CSNK2A2: variants seen among roughly 807,000 people sequenced by gnomAD.
CSNK2A2 encodes the protein casein kinase II subunit alpha'.
In CSNK2A2, 8 loss-of-function variants were observed where a neutral mutation model predicts 54.0. The ratio of observed to expected loss-of-function variants is 0.15; its 90% CI spans 0.09 to 0.27. The LOEUF (loss-of-function observed/expected upper bound fraction) is 0.27, where lower values mean the gene tolerates loss of function less well. Ranked by LOEUF, CSNK2A2 falls within the 10% of genes least tolerant of loss-of-function variation. CSNK2A2 has a pLI of 1.00. For missense variants in CSNK2A2, 242 were observed against 439.4 expected (o/e 0.55, Z 4.02); for synonymous variants, 141 against 153.9 (o/e 0.92, Z 0.62).
At chr16:58,168,774 C>G in intron 5 of CSNK2A2, 81 bp from the exon 6 acceptor site, 1 of 1,098,010 alleles carries the variant, frequency 9.1e-7, no homozygotes, top group Non-Finnish European at 1.4e-6. Context: ...TTGTTTGTGA[C>G]ACCTTGACTT....
At chr16:58,164,011 T>G in intron 11 of CSNK2A2, 43 bp downstream of exon 11, 2 of 1,449,362 alleles carry the variant, frequency 1.4e-6, no homozygotes, top group East Asian at 2.3e-5. Context: ...AAGGTTTGTG[T>G]TTGGTTGGTT....
In CSNK2A2 at chr16:58,182,374, C is replaced by CAAAAAAAAAAAAAA. The variant is rs71155249; in HGVS notation, c.369+1872_369+1885dup. The stretch of plus-strand genomic sequence containing the variant: ...AAAACCCCATTTCTACTAAATATAC[C>CAAAAAAAAAAAAAA]AAAAAAAAAAAAAAAAAAAAAAAAA... On this transcript the variant is annotated intron_variant, in intron 4 of 11. Coordinates refer to ENST00000262506, the MANE Select transcript of CSNK2A2 (RefSeq NM_001896.4). 6.2e-4 allele frequency among the ~76,000 whole-genome samples: 16 copies of CAAAAAAAAAAAAAA among 25,746 alleles called. 4 individuals are homozygous for CAAAAAAAAAAAAAA. Among genetic ancestry groups the CAAAAAAAAAAAAAA allele is most frequent in the African/African-American group, 1.5e-3 (7 of 4,714 alleles). The allele number at this position is 25,746 out of a possible 152,430, so 16.9% of individuals were successfully genotyped here. A position where few individuals can be genotyped will look rare whatever the true frequency, so the allele number is the denominator to read the frequency against.
At chr16:58,195,459 C>T (rs1332638462) in intron 2 of CSNK2A2, among the ~76,000 whole-genome samples, 4 of 152,104 alleles carry the variant, frequency 2.6e-5, no homozygotes, top group African/African-American at 9.7e-5. Flanking sequence ...ATACCAGCTG[C>T]CCTAGCACAC....
In CSNK2A2 at chr16:58,187,755, T is replaced by C. The variant is rs371056082; in HGVS notation, c.217-899A>G. 3.3e-5 allele frequency among the ~76,000 whole-genome samples: 5 copies of C among 152,360 alleles called. No individual in the cohort carries two copies. The East Asian group carries it at 9.6e-4, about 29-fold the overall frequency. On this transcript the variant is annotated intron_variant, in intron 2 of 11. Coordinates refer to ENST00000262506, the MANE Select transcript of CSNK2A2 (RefSeq NM_001896.4). The stretch of plus-strand genomic sequence containing the variant: ...TTTATTATTTAATAAGTCATTGTGA[T>C]TCCTCACAAAGTCCTTATGTAGCAG...
At chr16:58,191,371 A>T (rs1052077347) in intron 2 of CSNK2A2, among the ~76,000 whole-genome samples, 4 of 150,964 alleles carry the variant, frequency 2.6e-5, no homozygotes, top group South Asian at 4.2e-4. Flanking sequence ...ATTTTATTTT[A>T]TTTTTTTTTA....
At chr16:58,171,556 C>G (rs891099788) in intron 5 of CSNK2A2, among the ~76,000 whole-genome samples, 2 of 151,890 alleles carry the variant, frequency 1.3e-5, no homozygotes, top group African/African-American at 4.8e-5. Context: ...ACAGGCACTA[C>G]TAACTATGGG....
intron 5 of CSNK2A2, among the ~76,000 whole-genome samples, chr16:58,173,501 C>G (rs2142423023): frequency 6.6e-6 from 1 of 152,300 alleles, no homozygotes; most frequent in East Asian, 1.9e-4. Flanking sequence ...ATTTTACAAA[C>G]TGAGCATTCC....
intron 2 of CSNK2A2, chr16:58,192,536 G>A (rs140873204): frequency 3.3e-5 from 5 of 152,032 alleles, no homozygotes; most frequent in African/African-American, 4.8e-5. Flanking sequence ...ATGCTGCTGT[G>A]GATACTAATC....
Position 58,197,650 on chromosome 16 carries a change from A to G in CSNK2A2, c.87T>C (p.Ala29=). The G allele has an allele frequency of 6.4e-7, 1 of 1,572,642 alleles. No homozygotes were observed. The highest frequency in any genetic ancestry group is 1.2e-5 in the South Asian group (1 of 86,660). The change falls in exon 1 of 12, where the codon GCT becomes GCC. Residue 29 remains alanine (A), a synonymous_variant. Transcript: ENST00000262506. The surrounding 1 kb of genome is among the most constrained non-coding windows in gnomAD (Gnocchi z 4.0). ...GGCTTTACCCCCAGCTCGGGACGTG[A>G]GCCTCGTAGTCCCAGTACTCGCGGC... ...LRSREYWDYE[A]HVPSWGNQDD...
At position 58,166,903 on chromosome 16, in the gene CSNK2A2, ATCT is replaced by A. The variant is rs77489659; in HGVS notation, c.727-222_727-220del. On this transcript the variant is annotated intron_variant, in intron 8 of 11. Coordinates refer to ENST00000262506, the MANE Select transcript of CSNK2A2 (RefSeq NM_001896.4). ...TAAAATAATACAACTTACGATAATA[ATCT>A]TCTAGAGGTGGACCAGTACAGGGCA... Among the ~76,000 whole-genome samples the A allele has an allele frequency of 1.4e-4, 21 of 152,268 alleles. No homozygotes were observed. The East Asian group carries it at 4.0e-3, about 29-fold the overall frequency.
Position 58,180,401 on chromosome 16 carries a change from A to G in CSNK2A2, c.369+3859T>C, listed in dbSNP as rs1962005797. On this transcript the variant is annotated intron_variant, in intron 4 of 11. Transcript: ENST00000262506. Reference sequence around the variant, plus strand: ...TTTTTTTTTTTGTGACCAGTCAACAATATAGTTTTTAAGTCCTAAGAGAAT... The same window carrying G: ...TTTTTTTTTTTGTGACCAGTCAACAGTATAGTTTTTAAGTCCTAAGAGAAT... 5.3e-5 allele frequency among the ~76,000 whole-genome samples: 8 copies of G among 151,508 alleles called. No individual in the cohort carries two copies. The South Asian group carries it at 1.7e-3, about 32-fold the overall frequency.
intron 5 of CSNK2A2, among the ~76,000 whole-genome samples, chr16:58,171,979 A>ATATATATATATTTT (rs1261137669): frequency 1.5e-5 from 1 of 66,186 alleles, no homozygotes; most frequent in South Asian, 6.5e-4. Context: ...ATATATATAT[A>ATATATATATATTTT]TTTTTTTTTT....
intron 2 of CSNK2A2, among the ~76,000 whole-genome samples, chr16:58,190,539 C>G (rs1962300324): frequency 6.6e-6 from 1 of 152,162 alleles, no homozygotes; most frequent in Non-Finnish European, 1.5e-5. Context: ...ATTATCTGAG[C>G]AATGTTATTT....
chr16:58,197,594 G>A lies in CSNK2A2; in HGVS notation c.104+39C>T, dbSNP rs1962502772. The A allele has an allele frequency of 7.1e-7, 1 of 1,415,224 alleles. No homozygotes were observed. Among genetic ancestry groups the A allele is most frequent in the East Asian group, 2.7e-5 (1 of 37,144 alleles). The allele number at this position is 1,415,224 out of a possible 1,614,324, so 87.7% of individuals were successfully genotyped here. Reference sequence around the variant, plus strand: ...CGCAGGGGGTGGCCGGGCGGGGGCAGGGATCAGCGGGCCCGGCGGGGGGCG... The same window carrying A: ...CGCAGGGGGTGGCCGGGCGGGGGCAAGGATCAGCGGGCCCGGCGGGGGGCG... On this transcript the variant is annotated intron_variant, in intron 1 of 11. Coordinates refer to ENST00000262506, the MANE Select transcript of CSNK2A2 (RefSeq NM_001896.4). This position sits in a 1 kb window ranked among gnomAD's most constrained non-coding sequence, Gnocchi z 4.0.
At chr16:58,193,916 G>C (rs1962373516) in intron 2 of CSNK2A2, among the ~76,000 whole-genome samples, 1 of 152,186 alleles carries the variant, frequency 6.6e-6, no homozygotes, top group Non-Finnish European at 1.5e-5. Flanking sequence ...GGGATAGACA[G>C]TAAAATTTTG....
chr16:58,176,076 C>T (rs912781695), intron 4 of CSNK2A2, among the ~76,000 whole-genome samples: 14 of 152,316 alleles, frequency 9.2e-5, no homozygotes, highest in Middle Eastern at 3.4e-3. Context: ...GCTTAAGATG[C>T]CATCTCTTGG....
intron 11 of CSNK2A2, chr16:58,160,324 G>A (rs941827137): frequency 1.3e-5 from 2 of 152,088 alleles, no homozygotes; most frequent in Non-Finnish European, 2.9e-5. Flanking sequence ...ATTTTTTGTA[G>A]GAAATAAGTT....
At chr16:58,196,949 G>C (rs1962470175) in intron 1 of CSNK2A2, 105 bp from the exon 2 acceptor site, 2 of 782,454 alleles carry the variant, frequency 2.6e-6, no homozygotes, top group Non-Finnish European at 2.3e-6. Flanking sequence ...ACACTTGGAA[G>C]TGTCTATACA....
intron 11 of CSNK2A2, chr16:58,160,860 T>C (rs1961323738): frequency 6.6e-6 from 1 of 152,256 alleles, no homozygotes; most frequent in Admixed American, 6.5e-5. Context: ...TGAGAGCACC[T>C]TCCTCTCTGC....
Sources: gnomAD v4.1 joint callset for allele counts (sites outside exome capture counted in the v4.1 genomes callset) on GRCh38, gnomAD v4.1.1 for gene constraint, Gnocchi (gnomAD v3.1) non-coding constraint, MANE v1.5 for transcripts, NCBI Gene and HGNC (gene_info 2026-07-23, HGNC 2026-07-21) for gene names.